PDE3A: variants seen among roughly 807,000 people sequenced by gnomAD.
PDE3A encodes the protein cGMP-inhibited 3',5'-cyclic phosphodiesterase 3A.
Under a neutral mutation model 98.3 loss-of-function variants are expected in PDE3A, and 43 were observed. The observed-to-expected ratio is 0.44, with a 90% CI of 0.34 to 0.56. The LOEUF (loss-of-function observed/expected upper bound fraction) is 0.56, where lower values mean the gene tolerates loss of function less well. PDE3A is among the 20% of genes least tolerant of loss of function. PDE3A has a pLI of 0.01. For synonymous variants in PDE3A, 663 were observed against 567.9 expected (o/e 1.17, Z -2.38); for missense variants, 1,427 against 1,440.7 (o/e 0.99, Z 0.15).
intron 1 of PDE3A, among the ~76,000 whole-genome samples, chr12:20,453,114 T>C (rs1400425054): frequency 6.6e-6 from 1 of 152,084 alleles, no homozygotes; most frequent in Non-Finnish European, 1.5e-5. Flanking sequence ...CACAATGAAG[T>C]TGAGTTTTTG....
chr12:20,369,212 C>A lies in PDE3A; in HGVS notation c.-73C>A. ...GTGCGTGTGTGTGTGTGTGTGTGTG[C>A]GCGCGCGCGCGTGGGTCGGGGCGGG... On this transcript the variant is annotated 5_prime_UTR_variant, in exon 1 of 16. Coordinates refer to ENST00000359062, the MANE Select transcript of PDE3A (RefSeq NM_000921.5). 3.2e-6 allele frequency: 2 copies of A among 617,848 alleles called. No homozygotes were observed. The highest frequency in any genetic ancestry group is 4.8e-6 in the Non-Finnish European group (2 of 415,896). The allele number at this position is 617,848 out of a possible 1,614,324, so 38.3% of individuals were successfully genotyped here.
At chr12:20,668,472 G>T (rs1945381028) in intron 15 of PDE3A, among the ~76,000 whole-genome samples, 1 of 152,122 alleles carries the variant, frequency 6.6e-6, no homozygotes, top group South Asian at 2.1e-4. Flanking sequence ...GAAGAGAGCA[G>T]TGGTTCTCCC....
At chr12:20,630,527 G>A (rs1022591228) in intron 6 of PDE3A, among the ~76,000 whole-genome samples, 7 of 152,118 alleles carry the variant, frequency 4.6e-5, no homozygotes, top group Admixed American at 4.6e-4. Context: ...ATATTTAATT[G>A]TCAGTTTGCA....
At chr12:20,495,827 G>A (rs1368052825) in intron 1 of PDE3A, among the ~76,000 whole-genome samples, 1 of 152,136 alleles carries the variant, frequency 6.6e-6, no homozygotes, top group Non-Finnish European at 1.5e-5. Flanking sequence ...ACTCCCACTA[G>A]CAATGTAGGA....
At chr12:20,677,907 C>G (rs550320392) in intron 15 of PDE3A, among the ~76,000 whole-genome samples, 48 of 151,294 alleles carry the variant, frequency 3.2e-4, no homozygotes, top group Non-Finnish European at 6.6e-4. Flanking sequence ...CCTTCAGTGG[C>G]TTAGAGTGTG....
chr12:20,371,351 C>A (rs2120493237), intron 1 of PDE3A: 1 of 985,172 alleles, frequency 1.0e-6, no homozygotes, highest in South Asian at 4.7e-5. Context: ...GGATTTGACA[C>A]TTGATGGGGA....
intron 1 of PDE3A, among the ~76,000 whole-genome samples, chr12:20,405,281 G>A (rs961723202): frequency 2.0e-5 from 3 of 151,974 alleles, no homozygotes; most frequent in African/African-American, 7.3e-5. Flanking sequence ...TTGTGCACAC[G>A]CTCTCCTTAC....
chr12:20,392,628 A>T (rs1469993572), intron 1 of PDE3A, among the ~76,000 whole-genome samples: 1 of 152,092 alleles, frequency 6.6e-6, no homozygotes, highest in Non-Finnish European at 1.5e-5. Flanking sequence ...CTCCCATGTG[A>T]TCCAGCAGTC....
chr12:20,476,484 G>A (rs780454696), intron 1 of PDE3A, among the ~76,000 whole-genome samples: 12 of 152,120 alleles, frequency 7.9e-5, no homozygotes, highest in Admixed American at 5.2e-4. Flanking sequence ...TAAAGAAACC[G>A]AATAACTGAG....
At chr12:20,548,209 G>A (rs1942104569) in intron 1 of PDE3A, among the ~76,000 whole-genome samples, 1 of 152,028 alleles carries the variant, frequency 6.6e-6, no homozygotes, top group African/African-American at 2.4e-5. Context: ...TCTTCATTGT[G>A]CCTATCTTGG....
chr12:20,574,316 T>C (rs1050759234), intron 2 of PDE3A, among the ~76,000 whole-genome samples: 3 of 152,110 alleles, frequency 2.0e-5, no homozygotes, highest in Admixed American at 1.3e-4. Context: ...AGTATAGTCC[T>C]GCAGGACTTC....
intron 15 of PDE3A, among the ~76,000 whole-genome samples, chr12:20,663,190 T>A (rs1161981483): frequency 6.6e-6 from 1 of 152,318 alleles, no homozygotes. Flanking sequence ...AAAGAGGATG[T>A]ATGGCAATGC....
intron 1 of PDE3A, among the ~76,000 whole-genome samples, chr12:20,492,087 T>C (rs112816962): frequency 0.13 from 19,440 of 152,034 alleles, 1,854 homozygotes; most frequent in African/African-American, 0.26. Context: ...TTGAAGCTAT[T>C]CTTATGCCTC....
intron 1 of PDE3A, among the ~76,000 whole-genome samples, chr12:20,460,188 C>A (rs1301963282): frequency 6.6e-6 from 1 of 152,204 alleles, no homozygotes; most frequent in Non-Finnish European, 1.5e-5. Flanking sequence ...TGACAAGAAG[C>A]CAGCTGGCTA....
chr12:20,559,393 A>T (rs1942455326), intron 2 of PDE3A, among the ~76,000 whole-genome samples: 1 of 151,848 alleles, frequency 6.6e-6, no homozygotes, highest in Non-Finnish European at 1.5e-5. Flanking sequence ...ATATATATAT[A>T]TTGGGAGGCC....
intron 1 of PDE3A, among the ~76,000 whole-genome samples, chr12:20,462,185 A>G (rs953098349): frequency 1.3e-5 from 2 of 152,166 alleles, no homozygotes; most frequent in African/African-American, 4.8e-5. Context: ...GAATATCAGG[A>G]AGATTAAAAA....
At chr12:20,667,256 A>G (rs1025395197) in intron 15 of PDE3A, among the ~76,000 whole-genome samples, 6 of 152,094 alleles carry the variant, frequency 3.9e-5, no homozygotes, top group East Asian at 1.9e-4. Flanking sequence ...TTCATTTGCT[A>G]TACAGAAGGT....
rs112441696 is a variant in PDE3A, at chr12:20,685,724, C to T, written c.*5453C>T. Among the ~76,000 whole-genome samples, 5 of 152,152 alleles carry T rather than the reference C, an allele frequency of 3.3e-5. No individual in the cohort carries two copies. Among genetic ancestry groups the T allele is most frequent in the African/African-American group, 1.2e-4 (5 of 41,450 alleles). On this transcript the variant is annotated 3_prime_UTR_variant, in exon 16 of 16. Transcript: ENST00000359062. ...ACACATTGGTATCCTTGGGTTTCTG[C>T]TTCCTTGAAAAGTTGTGGAGCACAG...
At position 20,546,595 on chromosome 12, in the gene PDE3A, C is replaced by T. The variant is rs952469866; in HGVS notation, c.961-10065C>T. Among the ~76,000 whole-genome samples the T allele has an allele frequency of 6.6e-5, 10 of 152,006 alleles. No individual in the cohort carries two copies. The East Asian group carries it at 1.7e-3, about 26-fold the overall frequency. On this transcript the variant is annotated intron_variant, in intron 1 of 15. Transcript: ENST00000359062. Reference sequence around the variant, plus strand: ...GAGTATGCCAAGGAAAGAATCCAATCAAACATGCCCAGGTTAAAGAAGTGC... The same window carrying T: ...GAGTATGCCAAGGAAAGAATCCAATTAAACATGCCCAGGTTAAAGAAGTGC...
Sources: gnomAD v4.1 joint callset for allele counts (sites outside exome capture counted in the v4.1 genomes callset) on GRCh38, gnomAD v4.1.1 for gene constraint, MANE v1.5 for transcripts, NCBI Gene and HGNC (gene_info 2026-07-23, HGNC 2026-07-21) for gene names.